Variants in KIAA1549L observed in about 807,000 individuals in gnomAD.
The protein encoded by KIAA1549L is KIAA1549 like, also known as UPF0606 protein KIAA1549L.
KIAA1549L carries 88 observed loss-of-function variants against 160.7 expected under a neutral mutation model. The observed-to-expected ratio is 0.55, with a 90% CI of 0.46 to 0.65. The LOEUF (loss-of-function observed/expected upper bound fraction) is 0.65, where lower values mean the gene tolerates loss of function less well. Among genes scored for constraint, KIAA1549L ranks in the 30% least tolerant of loss-of-function variants. The pLI is 0.00. For synonymous variants in KIAA1549L, 950 were observed against 976.7 expected, an observed-to-expected ratio of 0.97 and a Z score of 0.51; for missense variants, 2,258 against 2,437.5, an observed-to-expected ratio of 0.93 and a Z score of 1.55.
intron 1 of KIAA1549L, among the ~76,000 whole-genome samples, chr11:33,478,373 T>C (rs985325473): frequency 3.3e-5 from 5 of 152,216 alleles, no homozygotes; most frequent in African/African-American, 1.2e-4. Context: ...GATTGCAGTT[T>C]TGTCTTGGGG....
chr11:33,668,197 C>A lies in KIAA1549L; in HGVS notation c.*43C>A. On this transcript the variant is annotated 3_prime_UTR_variant, in exon 21 of 21. Transcript: ENST00000658780. ...ACTCTGGACTTCCAAACTCTGAGGACTCAGCCTTTGGGTTTCCCATGCCTA... is the reference window on the plus strand; with the variant it reads ...ACTCTGGACTTCCAAACTCTGAGGAATCAGCCTTTGGGTTTCCCATGCCTA... 6.3e-7 allele frequency: 1 copy of A among 1,577,612 alleles called. No individual in the cohort carries two copies. Among genetic ancestry groups the A allele is most frequent in the Non-Finnish European group, 8.6e-7 (1 of 1,158,188 alleles).
At chr11:33,573,034 T>C (rs903624086) in intron 9 of KIAA1549L, among the ~76,000 whole-genome samples, 1 of 152,246 alleles carries the variant, frequency 6.6e-6, no homozygotes, top group African/African-American at 2.4e-5. Context: ...AATTTCCCCA[T>C]TGAGCATTTT....
intron 1 of KIAA1549L, among the ~76,000 whole-genome samples, chr11:33,382,512 A>G (rs1384759513): frequency 6.6e-6 from 1 of 152,160 alleles, no homozygotes; most frequent in Non-Finnish European, 1.5e-5. Context: ...AGAGAAAAGC[A>G]GAGTCATGGG....
In KIAA1549L at chr11:33,583,456, C is replaced by T. The variant is rs575072624; in HGVS notation, c.4521C>T (p.Asn1507=). Residue 1507 remains asparagine, a synonymous_variant, in exon 11 of 21, where the codon AAC becomes AAT. Coordinates refer to ENST00000658780, the MANE Select transcript of KIAA1549L (RefSeq NM_012194.3). The stretch of plus-strand genomic sequence containing the variant: ...CCGTGCTCTGCAGGAAGAACAAGAA[C>T]GACTTCAAGCCTGACACCATGATAA... ...ITAVLCRKNK[N]DFKPDTMINL... is the part of the protein sequence containing the mutation. The T allele has an allele frequency of 6.9e-5, 109 of 1,585,142 alleles. No homozygotes were observed. The highest frequency in any genetic ancestry group is 1.0e-4 in the South Asian group (9 of 86,576).
At chr11:33,575,701 G>A (rs1855422477) in intron 10 of KIAA1549L, among the ~76,000 whole-genome samples, 2 of 152,308 alleles carry the variant, frequency 1.3e-5, no homozygotes, top group East Asian at 3.9e-4. Context: ...GAAGGTGTGT[G>A]TATTCCAGAA....
At chr11:33,380,886 G>C in intron 1 of KIAA1549L, among the ~76,000 whole-genome samples, 1 of 152,028 alleles carries the variant, frequency 6.6e-6, no homozygotes, top group Non-Finnish European at 1.5e-5. Flanking sequence ...ACTTGCAGTC[G>C]AGTCTAGAAC....
At chr11:33,405,710 C>A (rs558558383) in intron 1 of KIAA1549L, among the ~76,000 whole-genome samples, 2 of 151,530 alleles carry the variant, frequency 1.3e-5, no homozygotes, top group Non-Finnish European at 2.9e-5. Context: ...GGCGTGGTGG[C>A]GGGCACCTGT....
intron 1 of KIAA1549L, among the ~76,000 whole-genome samples, chr11:33,428,970 C>T (rs1023618887): frequency 2.0e-5 from 3 of 152,072 alleles, no homozygotes; most frequent in African/African-American, 4.8e-5. Flanking sequence ...GGTGGTATCT[C>T]GTTTTGTTTT....
chr11:33,446,676 T>G (rs957509603), intron 1 of KIAA1549L, among the ~76,000 whole-genome samples: 4 of 152,124 alleles, frequency 2.6e-5, no homozygotes, highest in African/African-American at 7.2e-5. Context: ...TACTTTTTTT[T>G]TTTAAATTTA....
intron 16 of KIAA1549L, among the ~76,000 whole-genome samples, chr11:33,635,371 C>T (rs529508098): frequency 4.3e-4 from 65 of 152,348 alleles, no homozygotes; most frequent in African/African-American, 1.4e-3. Context: ...AACCCCCACT[C>T]GGTCTCTGGG....
chr11:33,516,213 G>A lies in KIAA1549L; in HGVS notation c.239-25589G>A, dbSNP rs1362641772. 2.7e-4 allele frequency among the ~76,000 whole-genome samples: 4 copies of A among 14,596 alleles called. 1 individual carries two copies. Among genetic ancestry groups the A allele is most frequent in the Non-Finnish European group, 4.4e-4 (4 of 9,192 alleles). 9.6% of individuals were successfully genotyped at this position (14,596 alleles called of 152,430 possible). A position where few individuals can be genotyped will look rare whatever the true frequency, so the allele number is the denominator to read the frequency against. On this transcript the variant is annotated intron_variant, in intron 1 of 20. Coordinates refer to ENST00000658780, the MANE Select transcript of KIAA1549L (RefSeq NM_012194.3). ...GTCGCCCAGGCTGGAGTGCAGTGGCGCAATCTCGGCTCACTGCAAGCTCCG... is the reference window on the plus strand; with the variant it reads ...GTCGCCCAGGCTGGAGTGCAGTGGCACAATCTCGGCTCACTGCAAGCTCCG...
At chr11:33,578,400 A>G (rs1434009429) in intron 10 of KIAA1549L, among the ~76,000 whole-genome samples, 1 of 152,124 alleles carries the variant, frequency 6.6e-6, no homozygotes, top group Non-Finnish European at 1.5e-5. Flanking sequence ...CAGTCCTCTC[A>G]GTTCCCTTCC....
intron 1 of KIAA1549L, among the ~76,000 whole-genome samples, chr11:33,378,040 A>G (rs191127810): frequency 3.8e-4 from 58 of 152,308 alleles, no homozygotes; most frequent in African/African-American, 1.1e-3. Flanking sequence ...CAGACTTGAG[A>G]AAAACCTCTG....
intron 6 of KIAA1549L, among the ~76,000 whole-genome samples, chr11:33,553,334 A>C (rs777484635): frequency 6.7e-6 from 1 of 149,404 alleles, no homozygotes; most frequent in East Asian, 2.0e-4. Context: ...AACTACGTAG[A>C]TATCATCCCA....
chr11:33,582,836 G>T (rs139069559), intron 10 of KIAA1549L, among the ~76,000 whole-genome samples: 1 of 152,286 alleles, frequency 6.6e-6, no homozygotes, highest in East Asian at 1.9e-4. Flanking sequence ...CAGCTATTCT[G>T]GGGGAGATCC....
chr11:33,671,002 A>T lies in KIAA1549L; in HGVS notation c.*2848A>T, dbSNP rs1334263314. 1 of 152,222 alleles carries T rather than the reference A, an allele frequency of 6.6e-6. No homozygotes were observed. The highest frequency in any genetic ancestry group is 1.5e-5 in the Non-Finnish European group (1 of 68,042). 9.4% of individuals were successfully genotyped at this position (152,222 alleles called of 1,614,324 possible). Reference sequence around the variant, plus strand: ...TGCCTAGAGGTTTAAAAAAAAGATAAGGGTCATATGAAGAACTCCATAATG... The same window carrying T: ...TGCCTAGAGGTTTAAAAAAAAGATATGGGTCATATGAAGAACTCCATAATG... On this transcript the variant is annotated 3_prime_UTR_variant, in exon 21 of 21. Coordinates refer to ENST00000658780, the MANE Select transcript of KIAA1549L (RefSeq NM_012194.3).
chr11:33,386,933 C>G (rs1850185033), intron 1 of KIAA1549L, among the ~76,000 whole-genome samples: 1 of 151,834 alleles, frequency 6.6e-6, no homozygotes, highest in Non-Finnish European at 1.5e-5. Flanking sequence ...GTGATGAAAC[C>G]CCGTCTCTAC....
chr11:33,661,248 A>G (rs1852251132), intron 20 of KIAA1549L, among the ~76,000 whole-genome samples: 1 of 152,224 alleles, frequency 6.6e-6, no homozygotes, highest in African/African-American at 2.4e-5. Context: ...TCCTAGCAGG[A>G]CGACCTTAAT....
chr11:33,456,842 A>C (rs145270537), intron 1 of KIAA1549L, among the ~76,000 whole-genome samples: 101 of 152,322 alleles, frequency 6.6e-4, no homozygotes, highest in African/African-American at 2.2e-3. Flanking sequence ...CCAATCTAAC[A>C]CACTTGTCCA....
Sources: gnomAD v4.1 joint callset for allele counts (sites outside exome capture counted in the v4.1 genomes callset) on GRCh38, gnomAD v4.1.1 for gene constraint, MANE v1.5 for transcripts, NCBI Gene and HGNC (gene_info 2026-07-23, HGNC 2026-07-21) for gene names.